The following MYOF variants were observed in gnomAD, a reference collection of about 807,000 sequenced individuals.
MYOF encodes the protein myoferlin.
Under a neutral mutation model 284.2 loss-of-function variants are expected in MYOF, and 244 were observed. The observed-to-expected ratio is 0.86, with a 90% CI of 0.77 to 0.95. The LOEUF is 0.95. Among genes scored for constraint, MYOF ranks in the 40% least tolerant of loss-of-function variants. MYOF has a pLI of 0.00. For missense variants in MYOF, 2,496 were observed against 2,560.6 expected, an observed-to-expected ratio of 0.97 and a Z score of 0.54; for synonymous variants, 904 against 919.7, an observed-to-expected ratio of 0.98 and a Z score of 0.31.
At chr10:93,379,746 C>T in intron 21 of MYOF, 117 bp downstream of exon 21, 1 of 1,308,058 alleles carries the variant, frequency 7.6e-7, no homozygotes, top group Non-Finnish European at 1.0e-6. Context: ...AGACATTGCT[C>T]TTACCTTATT....
chr10:93,321,502 C>T (rs1842839397), intron 48 of MYOF, among the ~76,000 whole-genome samples: 2 of 150,250 alleles, frequency 1.3e-5, no homozygotes. Context: ...AGTGATCCTC[C>T]TGCCTCAGAC....
chr10:93,468,741 T>C (rs530473981), intron 1 of MYOF, among the ~76,000 whole-genome samples: 7 of 152,334 alleles, frequency 4.6e-5, no homozygotes, highest in Non-Finnish European at 1.0e-4. Context: ...CTTCCTATGC[T>C]GTGCATGGCT....
At chr10:93,399,779 G>A (rs1247279324) in intron 12 of MYOF, among the ~76,000 whole-genome samples, 1 of 152,080 alleles carries the variant, frequency 6.6e-6, no homozygotes, top group Non-Finnish European at 1.5e-5. Context: ...GGCTGAGGCA[G>A]GAGAACTGCT....
At chr10:93,458,865 G>A (rs1336978368) in intron 1 of MYOF, among the ~76,000 whole-genome samples, 2 of 152,196 alleles carry the variant, frequency 1.3e-5, no homozygotes, top group Non-Finnish European at 2.9e-5. Flanking sequence ...TGGAATGTAG[G>A]AGGTAGTGGG....
At position 93,306,746 on chromosome 10, in the gene MYOF, T is replaced by TAAAACTTTTAATACTTAAGAG; in HGVS notation, c.*196_*216dup. 3 of 488,648 alleles carry TAAAACTTTTAATACTTAAGAG rather than the reference T, an allele frequency of 6.1e-6. No individual in the cohort carries two copies. Among genetic ancestry groups the TAAAACTTTTAATACTTAAGAG allele is most frequent in the Non-Finnish European group, 1.1e-5 (3 of 278,822 alleles). The allele number at this position is 488,648 out of a possible 1,614,324, so 30.3% of individuals were successfully genotyped here. A position where few individuals can be genotyped will look rare whatever the true frequency, so the allele number is the denominator to read the frequency against. On this transcript the variant is annotated 3_prime_UTR_variant, in exon 54 of 54. Coordinates refer to ENST00000359263, the MANE Select transcript of MYOF (RefSeq NM_013451.4). ...AAAACATGATTTAAACTTTAGAAAA[T>TAAAACTTTTAATACTTAAGAG]AAAACTTTTAATACTTAAGAGATAA... is the stretch of plus-strand genomic sequence containing the variant.
intron 22 of MYOF, 57 bp from the exon 23 acceptor site, chr10:93,375,012 C>T: frequency 1.3e-6 from 2 of 1,501,090 alleles, no homozygotes; most frequent in South Asian, 2.5e-5. Flanking sequence ...TAATTTTAGG[C>T]TTCAGAACTG....
At chr10:93,402,566 A>C (rs1847348938) in intron 10 of MYOF, among the ~76,000 whole-genome samples, 1 of 152,044 alleles carries the variant, frequency 6.6e-6, no homozygotes, top group Non-Finnish European at 1.5e-5. Flanking sequence ...AGACTCTCTA[A>C]GTTGTACCAA....
chr10:93,396,224 C>T lies in MYOF; in HGVS notation c.1335G>A (p.Trp445Ter). Reference sequence around the variant, plus strand: ...CTACATCATTTTTAGTAAGACGGTCCCTGTGTAAAAAATAAAAATAAAAAA... The same window carrying T: ...CTACATCATTTTTAGTAAGACGGTCTCTGTGTAAAAAATAAAAATAAAAAA... ...CEKIKLTIYD[W>*]DRLTKNDVVG... is the part of the protein sequence containing the mutation. Residue 445 changes from tryptophan to a stop codon, truncating the protein, a stop_gained and splice_region_variant, in exon 16 of 54, where the codon TGG becomes TGA. Coordinates refer to ENST00000359263, the MANE Select transcript of MYOF (RefSeq NM_013451.4). LOFTEE classifies it high-confidence loss of function. 6.3e-7 allele frequency: 1 copy of T among 1,576,252 alleles called. No individual in the cohort carries two copies.
In MYOF at chr10:93,482,111, A is replaced by T. The variant is rs1257299049; in HGVS notation, c.84T>A (p.Phe28Leu). 2 of 1,613,388 alleles carry T rather than the reference A, an allele frequency of 1.2e-6. No individual in the cohort carries two copies. Among genetic ancestry groups the T allele is most frequent in the Admixed American group, 3.3e-5 (2 of 59,932 alleles). ...AAGAAGAAAACTTTTTCTTACCCTT[A>T]AAAATGACAGAAACAATAGGATCCG... The part of the protein sequence containing the change: ...GKPDPIVSVI[F>L]KDEKKKTKKV... Residue 28 changes from phenylalanine (F) to leucine (L), a missense_variant, in exon 1 of 54, where the codon TTT becomes TTA. By Grantham distance (22) the Phe-to-Leu change is conservative. This residue lies in a region of MYOF where 57 missense variants were observed against 62.4 expected (regional missense o/e 0.91). Transcript: ENST00000359263.
intron 1 of MYOF, among the ~76,000 whole-genome samples, chr10:93,465,533 C>CTTCTCTTTTT (rs1554873001): frequency 1.9e-5 from 1 of 53,224 alleles, no homozygotes. Context: ...TCTTTTTTTT[C>CTTCTCTTTTT]TTTTCTTTTT....
chr10:93,378,661 A>ATGTGTATATGTG (rs1414924327), intron 21 of MYOF, among the ~76,000 whole-genome samples: 3 of 119,006 alleles, frequency 2.5e-5, no homozygotes, highest in Non-Finnish European at 4.9e-5. Flanking sequence ...AACTTAGTAT[A>ATGTGTATATGTG]TGTGTATATG....
At chr10:93,441,450 T>C (rs560790572) in intron 3 of MYOF, among the ~76,000 whole-genome samples, 1 of 151,902 alleles carries the variant, frequency 6.6e-6, no homozygotes, top group Non-Finnish European at 1.5e-5. Flanking sequence ...AGTGGTGCAA[T>C]CTCAGCTCAT....
rs757156408 is a variant in MYOF, at chr10:93,351,260, C to T, written c.3858G>A (p.Arg1286=). 2 of 1,613,540 alleles carry T rather than the reference C, an allele frequency of 1.2e-6. No homozygotes were observed. Among genetic ancestry groups the T allele is most frequent in the Non-Finnish European group, 1.7e-6 (2 of 1,179,944 alleles). Residue 1286 remains arginine (R), a synonymous_variant, in exon 35 of 54, where the codon AGG becomes AGA. Coordinates refer to ENST00000359263, the MANE Select transcript of MYOF (RefSeq NM_013451.4). ...GSNLPILPPQ[R]APNLYMVPQG... The stretch of plus-strand genomic sequence containing the variant: ...GGGGGACCATGTATAGATTTGGCGC[C>T]CTTTGAGGGGGAAGAATGGGAAGGT...
At chr10:93,454,858 A>G (rs955879167) in intron 2 of MYOF, among the ~76,000 whole-genome samples, 1 of 151,990 alleles carries the variant, frequency 6.6e-6, no homozygotes, top group Admixed American at 6.6e-5. Context: ...TTATACCTGT[A>G]GTCCCAGCTA....
intron 5 of MYOF, among the ~76,000 whole-genome samples, chr10:93,424,022 C>T (rs986724590): frequency 2.6e-5 from 4 of 152,120 alleles, no homozygotes; most frequent in South Asian, 2.1e-4. Flanking sequence ...CCAAGGAAGG[C>T]GGGCAACCAA....
At chr10:93,316,952 A>G (rs2133740215) in intron 49 of MYOF, 139 bp from the exon 50 acceptor site, 1 of 652,886 alleles carries the variant, frequency 1.5e-6, no homozygotes, top group South Asian at 1.9e-5. Flanking sequence ...CTTCCACTCT[A>G]TCTGTACAGA....
chr10:93,450,563 G>A (rs2056562095), intron 3 of MYOF, among the ~76,000 whole-genome samples: 1 of 152,018 alleles, frequency 6.6e-6, no homozygotes, highest in Admixed American at 6.6e-5. Context: ...GACAGAGTGA[G>A]ACTCCATCTC....
intron 1 of MYOF, among the ~76,000 whole-genome samples, chr10:93,466,631 C>T (rs1411352110): frequency 6.6e-6 from 1 of 152,152 alleles, no homozygotes; most frequent in Non-Finnish European, 1.5e-5. Context: ...GCTTGACTGC[C>T]TTGGTGTTTG....
At chr10:93,319,203 G>T (rs947350081) in intron 49 of MYOF, among the ~76,000 whole-genome samples, 20 of 152,202 alleles carry the variant, frequency 1.3e-4, no homozygotes, top group Admixed American at 4.6e-4. Context: ...GGTTTGCGGG[G>T]AGGACAGGAT....
Sources: gnomAD v4.1 joint callset for allele counts (sites outside exome capture counted in the v4.1 genomes callset) on GRCh38, gnomAD v4.1.1 for gene constraint, gnomAD v4.1.1 regional missense constraint, MANE v1.5 for transcripts, NCBI Gene and HGNC (gene_info 2026-07-23, HGNC 2026-07-21) for gene names.